Variants in YEATS2 observed in about 807,000 individuals in gnomAD.
YEATS2 encodes YEATS domain containing 2, also known as YEATS domain-containing protein 2.
YEATS2 carries 77 observed loss-of-function variants against 163.2 expected under a neutral mutation model. The ratio of observed to expected loss-of-function variants is 0.47; its 90% CI spans 0.39 to 0.57. YEATS2 has a LOEUF of 0.57. Ranked by LOEUF, YEATS2 falls within the 20% of genes least tolerant of loss-of-function variation. The probability of loss-of-function intolerance (pLI) is 0.00; values close to 1 mark genes in which losing one functional copy is unlikely to be tolerated. For missense variants in YEATS2, 1,549 were observed against 1,729.8 expected, an observed-to-expected ratio of 0.90 and a Z score of 1.85; for synonymous variants, 631 against 645.1, an observed-to-expected ratio of 0.98 and a Z score of 0.33.
intron 2 of YEATS2, among the ~76,000 whole-genome samples, chr3:183,715,650 C>G (rs1250598487): frequency 1.3e-5 from 2 of 152,150 alleles, no homozygotes; most frequent in Admixed American, 1.3e-4. Flanking sequence ...AGAATGATCT[C>G]ATCAAACTTG....
chr3:183,776,629 A>T (rs941830317), intron 18 of YEATS2, among the ~76,000 whole-genome samples: 2 of 152,174 alleles, frequency 1.3e-5, no homozygotes, highest in African/African-American at 4.8e-5. Flanking sequence ...TTAGTAACTT[A>T]TCCAGGATCT....
chr3:183,731,823 A>G (rs1278758831), intron 7 of YEATS2, among the ~76,000 whole-genome samples: 3 of 152,208 alleles, frequency 2.0e-5, no homozygotes, highest in African/African-American at 7.2e-5. Flanking sequence ...CCACTCTGAC[A>G]GTGTTGCAAA....
At position 183,797,953 on chromosome 3, in the gene YEATS2, G is replaced by A. The variant is rs1725314799; in HGVS notation, c.3128G>A (p.Ser1043Asn). Residue 1043 changes from serine (S) to asparagine (N), a missense_variant, in exon 22 of 31, where the codon AGT (serine) becomes AAT (asparagine). Transcript: ENST00000305135. The part of the protein sequence containing the change: ...GLLKIHSSQS[S>N]PQQAVLTIPS... ...TTAAAGATTCACTCCAGTCAGTCCA[G>A]TCCGCAGCAGGCCGTCCTGACGATT... The A allele has an allele frequency of 6.2e-7, 1 of 1,614,174 alleles. No individual in the cohort carries two copies. Among genetic ancestry groups the A allele is most frequent in the Non-Finnish European group, 8.5e-7 (1 of 1,180,010 alleles).
chr3:183,755,152 G>T (rs1285395170), intron 11 of YEATS2, among the ~76,000 whole-genome samples: 4 of 151,232 alleles, frequency 2.6e-5, no homozygotes, highest in African/African-American at 9.7e-5. Flanking sequence ...TTTCACTCTT[G>T]TCACCTACGC....
At position 183,715,087 on chromosome 3, in the gene YEATS2, ACAACC is replaced by A. The variant is rs947315514; in HGVS notation, c.-19-52_-19-48del. Reference sequence around the variant, plus strand: ...GTAAGTACTGGTATGCAGTGTTACTACAACCCAACTATTTAACTGAATAATTAAAA... The same window carrying A: ...GTAAGTACTGGTATGCAGTGTTACTACAACTATTTAACTGAATAATTAAAA... On this transcript the variant is annotated intron_variant, in intron 1 of 30. Transcript: ENST00000305135. 3.6e-5 allele frequency: 39 copies of A among 1,096,468 alleles called. No individual in the cohort carries two copies. In the African/African-American group the frequency reaches 6.1e-4, roughly 17 times the overall value. 67.9% of individuals were successfully genotyped at this position (1,096,468 alleles called of 1,614,324 possible).
chr3:183,792,975 T>C, intron 21 of YEATS2: 1 of 385,976 alleles, frequency 2.6e-6, no homozygotes, highest in Non-Finnish European at 4.6e-6. Context: ...TATATGGCTT[T>C]GCTTCTCAAA....
chr3:183,774,317 C>T (rs545190651), intron 17 of YEATS2, among the ~76,000 whole-genome samples: 62 of 152,224 alleles, frequency 4.1e-4, no homozygotes, highest in African/African-American at 1.3e-3. Context: ...CACAGGAGCG[C>T]GAACCCTGTT....
chr3:183,800,669 C>T lies in YEATS2; in HGVS notation c.3428+101C>T, dbSNP rs186585815. The T allele has an allele frequency of 1.2e-3, 1,151 of 925,076 alleles. 1 individual carries two copies. The highest frequency in any genetic ancestry group is 1.7e-3 in the Non-Finnish European group (999 of 598,604). 57.3% of individuals were successfully genotyped at this position (925,076 alleles called of 1,614,324 possible). On this transcript the variant is annotated intron_variant, in intron 24 of 30. Coordinates refer to ENST00000305135, the MANE Select transcript of YEATS2 (RefSeq NM_018023.5). ...AGTTGTGTGTGTGTAGCTCTAAGCC[C>T]TTGACGGGAGGAACTGTCTGTCCCC...
intron 19 of YEATS2, among the ~76,000 whole-genome samples, chr3:183,778,620 T>C (rs1056901269): frequency 1.3e-5 from 2 of 152,134 alleles, no homozygotes; most frequent in African/African-American, 4.8e-5. Context: ...CCTCCGAAAG[T>C]GCTGGGATTA....
At chr3:183,733,160 T>C (rs558377936) in intron 7 of YEATS2, among the ~76,000 whole-genome samples, 1 of 152,364 alleles carries the variant, frequency 6.6e-6, no homozygotes, top group Non-Finnish European at 1.5e-5. Context: ...AGTGAATTAT[T>C]GAATTCATGA....
At chr3:183,789,010 A>G (rs553838844) in intron 20 of YEATS2, among the ~76,000 whole-genome samples, 22 of 152,250 alleles carry the variant, frequency 1.4e-4, no homozygotes, top group African/African-American at 3.1e-4. Flanking sequence ...TTGAGCTTCT[A>G]TATTCTGATT....
At chr3:183,784,927 G>A (rs1723913823) in intron 19 of YEATS2, among the ~76,000 whole-genome samples, 1 of 151,808 alleles carries the variant, frequency 6.6e-6, no homozygotes, top group South Asian at 2.1e-4. Flanking sequence ...TACAAAATTA[G>A]CCAGGCATGG....
At chr3:183,808,245 G>T (rs1026968907) in intron 29 of YEATS2, 141 bp downstream of exon 29, 3 of 649,520 alleles carry the variant, frequency 4.6e-6, no homozygotes, top group East Asian at 6.0e-5. Flanking sequence ...CTCTCTTTTT[G>T]TTTTTTTGTT....
chr3:183,795,120 A>G (rs1345700846), intron 21 of YEATS2, among the ~76,000 whole-genome samples: 1 of 149,868 alleles, frequency 6.7e-6, no homozygotes, highest in Non-Finnish European at 1.5e-5. Context: ...GTGAGCCATG[A>G]TTGCTCGCAT....
rs561049319 is a variant in YEATS2, at chr3:183,810,341, G to A, written c.4161-134G>A. 29 of 736,506 alleles carry A rather than the reference G, an allele frequency of 3.9e-5. No homozygotes were observed. In the South Asian group the frequency reaches 4.3e-4, roughly 11 times the overall value. The allele number at this position is 736,506 out of a possible 1,614,324, so 45.6% of individuals were successfully genotyped here. A position where few individuals can be genotyped will look rare whatever the true frequency, so the allele number is the denominator to read the frequency against. Reference sequence around the variant, plus strand: ...AGTCCTCACCCCAGAGTGGCCCTAAGCTATGTCTGTGGCTCAGGAGCCCTC... The same window carrying A: ...AGTCCTCACCCCAGAGTGGCCCTAAACTATGTCTGTGGCTCAGGAGCCCTC... On this transcript the variant is annotated intron_variant, in intron 30 of 30. Transcript: ENST00000305135.
chr3:183,707,110 A>G (rs1453861626), intron 1 of YEATS2, among the ~76,000 whole-genome samples: 1 of 152,234 alleles, frequency 6.6e-6, no homozygotes, highest in Non-Finnish European at 1.5e-5. Flanking sequence ...ATATGCAAAT[A>G]TTCCAAAATC....
chr3:183,797,269 G>GAAAAA (rs1167929691), intron 21 of YEATS2, among the ~76,000 whole-genome samples: 9 of 72,610 alleles, frequency 1.2e-4, no homozygotes, highest in African/African-American at 4.9e-4. Flanking sequence ...ATCCAACTCT[G>GAAAAA]AAAAAAAAAA....
intron 18 of YEATS2, 110 bp from the exon 19 acceptor site, chr3:183,777,432 G>T: frequency 8.7e-7 from 1 of 1,155,370 alleles, no homozygotes; most frequent in South Asian, 1.6e-5. Flanking sequence ...TTAAAGGGGA[G>T]AGCGTTGTAG....
intron 29 of YEATS2, among the ~76,000 whole-genome samples, chr3:183,808,429 A>G (rs192806349): frequency 5.9e-5 from 9 of 152,282 alleles, no homozygotes; most frequent in African/African-American, 2.2e-4. Context: ...AACAGCCCCA[A>G]CTGTCCTGAC....
Sources: allele counts gnomAD v4.1 joint callset (sites outside exome capture counted in the v4.1 genomes callset), GRCh38; gene constraint gnomAD v4.1.1; transcripts MANE v1.5; gene names NCBI Gene and HGNC (gene_info 2026-07-23, HGNC 2026-07-21).